The following DOCK5 variants were observed in gnomAD, a reference collection of about 807,000 sequenced individuals.
DOCK5 encodes dedicator of cytokinesis 5.
DOCK5 carries 142 observed loss-of-function variants against 251.8 expected under a neutral mutation model. The observed-to-expected ratio is 0.56, with a 90% CI of 0.49 to 0.65. The LOEUF is 0.65. Among genes scored for constraint, DOCK5 ranks in the 30% least tolerant of loss-of-function variants. DOCK5 has a pLI of 0.00. For missense variants in DOCK5, 2,111 were observed against 2,312.3 expected, an observed-to-expected ratio of 0.91 and a Z score of 1.79; for synonymous variants, 842 against 835.5, an observed-to-expected ratio of 1.01 and a Z score of -0.13.
chr8:25,335,208 C>T (rs1224865485), intron 21 of DOCK5, among the ~76,000 whole-genome samples: 1 of 152,178 alleles, frequency 6.6e-6, no homozygotes, highest in Non-Finnish European at 1.5e-5. Flanking sequence ...TAGATTGCTG[C>T]CCACTGACTT....
At chr8:25,354,892 G>A (rs749179590) in intron 27 of DOCK5, among the ~76,000 whole-genome samples, 12 of 152,052 alleles carry the variant, frequency 7.9e-5, no homozygotes, top group Admixed American at 2.6e-4. Flanking sequence ...ACTTTTTAGC[G>A]TGAAATCACC....
At chr8:25,257,136 A>G (rs1359255701) in intron 2 of DOCK5, among the ~76,000 whole-genome samples, 1 of 152,258 alleles carries the variant, frequency 6.6e-6, no homozygotes, top group East Asian at 1.9e-4. Context: ...TAAGTAAAAA[A>G]GAACTCCAAA....
rs531314785 is a variant in DOCK5, at chr8:25,355,961, G to A, written c.2851-3002G>A. The stretch of plus-strand genomic sequence containing the variant: ...TAATCCCTGCACTTTGGGAGGCTGA[G>A]GCGGGCAGATCATGAGGTCAGGAGA... On this transcript the variant is annotated intron_variant, in intron 27 of 51. Transcript: ENST00000276440. Among the ~76,000 whole-genome samples, 87 of 150,932 alleles carry A rather than the reference G, an allele frequency of 5.8e-4. 4 individuals carry two copies. The South Asian group carries it at 0.018, about 31-fold the overall frequency.
intron 10 of DOCK5, 93 bp downstream of exon 10, chr8:25,302,547 A>C: frequency 1.4e-6 from 2 of 1,400,032 alleles, no homozygotes; most frequent in Non-Finnish European, 1.9e-6. Flanking sequence ...GGAACTAGCA[A>C]ATGATCCAGC....
intron 18 of DOCK5, among the ~76,000 whole-genome samples, chr8:25,327,671 C>A (rs1805593690): frequency 6.6e-6 from 1 of 152,260 alleles, no homozygotes; most frequent in African/African-American, 2.4e-5. Flanking sequence ...CTAGCCTGTA[C>A]TGTCCCGATA....
chr8:25,292,170 C>T lies in DOCK5; in HGVS notation c.468C>T (p.Asn156=). The change falls in exon 6 of 52, where the codon AAC becomes AAT. Residue 156 remains asparagine, a splice_region_variant and synonymous_variant. Coordinates refer to ENST00000276440, the MANE Select transcript of DOCK5 (RefSeq NM_024940.8). ...KKVTAKIDHG[N]RMLGLDLVVR... is the part of the protein sequence containing the mutation. Reference sequence around the variant, plus strand: ...TCACAGCCAAAATTGATCATGGGAACAGGTAGGTAAACCAGGGATGGCTTT... The same window carrying T: ...TCACAGCCAAAATTGATCATGGGAATAGGTAGGTAAACCAGGGATGGCTTT... The T allele has an allele frequency of 6.4e-7, 1 of 1,569,502 alleles. No homozygotes were observed. The highest frequency in any genetic ancestry group is 8.6e-7 in the Non-Finnish European group (1 of 1,158,878).
rs569981120 is a variant in DOCK5, at chr8:25,256,063, A to G, written c.127+12306A>G. 4.9e-4 allele frequency among the ~76,000 whole-genome samples: 75 copies of G among 152,340 alleles called. No homozygotes were observed. The South Asian group carries it at 0.013, about 27-fold the overall frequency. On this transcript the variant is annotated intron_variant, in intron 2 of 51. Coordinates refer to ENST00000276440, the MANE Select transcript of DOCK5 (RefSeq NM_024940.8). The stretch of plus-strand genomic sequence containing the variant: ...TCTCTTCCTTGCCTCATCTCCAGGT[A>G]TAATTCAAGCTACAAATAAGAATGG...
chr8:25,315,349 C>T (rs544614909), intron 13 of DOCK5, among the ~76,000 whole-genome samples: 1 of 152,018 alleles, frequency 6.6e-6, no homozygotes, highest in African/African-American at 2.4e-5. Flanking sequence ...TGGTATTGTG[C>T]ATTCACAGAG....
chr8:25,323,971 G>A lies in DOCK5; in HGVS notation c.1719+20G>A, dbSNP rs1805494655. 6.3e-7 allele frequency: 1 copy of A among 1,585,276 alleles called. No homozygotes were observed. The highest frequency in any genetic ancestry group is 1.2e-5 in the South Asian group (1 of 86,828). On this transcript the variant is annotated intron_variant, in intron 17 of 51. Transcript: ENST00000276440. ...TATAAGGTGGTGCTAACAGAAAATGGCTGAGAAAAATACTCCCTTTCAAAT... is the reference window on the plus strand; with the variant it reads ...TATAAGGTGGTGCTAACAGAAAATGACTGAGAAAAATACTCCCTTTCAAAT...
At chr8:25,221,602 C>T (rs554836422) in intron 1 of DOCK5, among the ~76,000 whole-genome samples, 12 of 152,004 alleles carry the variant, frequency 7.9e-5, no homozygotes, top group African/African-American at 1.9e-4. Flanking sequence ...CCACTGTGCC[C>T]GGCCCATTCT....
intron 44 of DOCK5, among the ~76,000 whole-genome samples, chr8:25,395,298 A>T (rs969792031): frequency 7.2e-5 from 11 of 152,134 alleles, no homozygotes; most frequent in African/African-American, 2.7e-4. Flanking sequence ...ATAAATACAG[A>T]TGAAGCTTCC....
intron 10 of DOCK5, 139 bp downstream of exon 10, chr8:25,302,593 A>T: frequency 8.2e-7 from 1 of 1,222,026 alleles, no homozygotes; most frequent in Non-Finnish European, 1.1e-6. Context: ...CAAGGTCTGG[A>T]GGAGATATTT....
intron 11 of DOCK5, among the ~76,000 whole-genome samples, chr8:25,306,804 A>C (rs1232774529): frequency 6.6e-6 from 1 of 152,230 alleles, no homozygotes; most frequent in Non-Finnish European, 1.5e-5. Context: ...ACAATCATGC[A>C]TCACTTAATG....
intron 20 of DOCK5, 106 bp from the exon 21 acceptor site, chr8:25,333,990 A>G: frequency 1.2e-6 from 1 of 802,212 alleles, no homozygotes. Context: ...AATGCTGCAG[A>G]AAAGATCCAG....
rs188492340 is a variant in DOCK5 at position 25,382,549 on chromosome 8, G to T, written c.4027-125G>T. 108 of 737,536 alleles carry T rather than the reference G, an allele frequency of 1.5e-4. No individual in the cohort carries two copies. In the African/African-American group the frequency reaches 1.7e-3, roughly 12 times the overall value. The allele number at this position is 737,536 out of a possible 1,614,324, so 45.7% of individuals were successfully genotyped here. A position where few individuals can be genotyped will look rare whatever the true frequency, so the allele number is the denominator to read the frequency against. ...AGGATAACCCTTTTCTGCCCATAGG[G>T]TGTTTTCCAAAGACCTTTCATTGCT... is the stretch of plus-strand genomic sequence containing the variant. On this transcript the variant is annotated intron_variant, in intron 39 of 51. Transcript: ENST00000276440.
At chr8:25,250,875 T>A (rs1429908827) in intron 2 of DOCK5, among the ~76,000 whole-genome samples, 1 of 152,216 alleles carries the variant, frequency 6.6e-6, no homozygotes, top group Admixed American at 6.5e-5. Context: ...CTTGTCTAGA[T>A]TGACTGTCCC....
rs552547541 is a variant in DOCK5, at chr8:25,260,210, T to C, written c.128-8635T>C. On this transcript the variant is annotated intron_variant, in intron 2 of 51. Coordinates refer to ENST00000276440, the MANE Select transcript of DOCK5 (RefSeq NM_024940.8). ...AGGACAGGATATGCCCGTGGAAACC[T>C]GACGAGCTTACCTGGCCCACAGGGG... is the stretch of plus-strand genomic sequence containing the variant. Among the ~76,000 whole-genome samples, 27 of 152,134 alleles carry C rather than the reference T, an allele frequency of 1.8e-4. No individual in the cohort carries two copies. In the South Asian group the frequency reaches 5.4e-3, roughly 30 times the overall value.
intron 1 of DOCK5, among the ~76,000 whole-genome samples, chr8:25,203,548 C>T (rs1270275611): frequency 2.6e-5 from 4 of 152,118 alleles, no homozygotes; most frequent in Admixed American, 1.3e-4. Flanking sequence ...TGCTCAGTTC[C>T]GATTCTGACA....
Position 25,407,955 on chromosome 8 carries a change from G to A in DOCK5, c.5094-28G>A. 3 of 1,598,164 alleles carry A rather than the reference G, an allele frequency of 1.9e-6. No individual in the cohort carries two copies. In the Middle Eastern group the frequency reaches 5.1e-4, roughly 270 times the overall value. ...TGATTGCAAGGTGATCAGTATTTGT[G>A]ATGTTTGTCCTTGTTCCTGGCCAAT... On this transcript the variant is annotated intron_variant, in intron 48 of 51. Transcript: ENST00000276440.
Sources: allele counts gnomAD v4.1 joint callset (sites outside exome capture counted in the v4.1 genomes callset), GRCh38; gene constraint gnomAD v4.1.1; transcripts MANE v1.5; gene names NCBI Gene and HGNC (gene_info 2026-07-23, HGNC 2026-07-21).